The following FTCDNL1 variants were observed in gnomAD, a reference collection of about 807,000 sequenced individuals.
The protein encoded by FTCDNL1 is formiminotransferase N-terminal subdomain-containing protein.
FTCDNL1 carries 11 observed loss-of-function variants against 5.9 expected under a neutral mutation model. The observed-to-expected ratio is 1.87, with a 90% CI of 1.18 to 3.10. The LOEUF (loss-of-function observed/expected upper bound fraction) is 3.10, where lower values mean the gene tolerates loss of function less well. FTCDNL1 is among the 30% of genes most tolerant of loss of function. FTCDNL1 has a pLI of 0.00. For synonymous variants in FTCDNL1, 58 were observed against 24.8 expected (o/e 2.34, Z -3.99); for missense variants, 115 against 65.5 (o/e 1.76, Z -2.61).
At chr2:199,741,841 C>G in the FTCDNL1 span, among the ~76,000 whole-genome samples, 1 of 152,142 alleles carries the variant, frequency 6.6e-6, no homozygotes, top group Admixed American at 6.5e-5. Context: ...TTGTACTAAA[C>G]ATTTCTCAAA....
the FTCDNL1 span, among the ~76,000 whole-genome samples, chr2:199,733,034 G>A: frequency 6.6e-6 from 1 of 152,212 alleles, no homozygotes; most frequent in Non-Finnish European, 1.5e-5. Flanking sequence ...GAGCTGGACA[G>A]AAGAGCATCT....
chr2:199,848,691 T>C (rs1476497655), intron 2 of FTCDNL1, among the ~76,000 whole-genome samples, 157 bp downstream of exon 2: 5 of 152,214 alleles, frequency 3.3e-5, no homozygotes, highest in African/African-American at 9.6e-5. Context: ...TATCTCAGTA[T>C]CCTGGAGTTG....
chr2:199,738,608 A>G, the FTCDNL1 span, among the ~76,000 whole-genome samples: 76 of 152,186 alleles, frequency 5.0e-4, no homozygotes, highest in African/African-American at 1.8e-3. Context: ...GAAACAGAGG[A>G]TTGTGATACA....
At chr2:199,684,969 TTTC>T in the FTCDNL1 span, among the ~76,000 whole-genome samples, 1 of 152,142 alleles carries the variant, frequency 6.6e-6, no homozygotes, top group African/African-American at 2.4e-5. Flanking sequence ...TGTCTGTGGT[TTTC>T]TTTTTTCCCT....
rs940185881 is a variant in FTCDNL1, at chr2:199,850,963, G to C, written c.-231C>G. 1 of 152,150 alleles carries C rather than the reference G, an allele frequency of 6.6e-6. No homozygotes were observed. Among genetic ancestry groups the C allele is most frequent in the Non-Finnish European group, 1.5e-5 (1 of 68,054 alleles). The allele number at this position is 152,150 out of a possible 1,614,324, so 9.4% of individuals were successfully genotyped here. A position where few individuals can be genotyped will look rare whatever the true frequency, so the allele number is the denominator to read the frequency against. On this transcript the variant is annotated 5_prime_UTR_variant, in exon 1 of 5. Transcript: ENST00000420128. ...CGGGACGCAGCAGCGGCGAGGGCGC[G>C]GGGTTGTGGCGCCTGGGAGCGAGGG...
intron 3 of FTCDNL1, among the ~76,000 whole-genome samples, chr2:199,830,210 A>C (rs1702280365): frequency 6.6e-6 from 1 of 152,136 alleles, no homozygotes; most frequent in Non-Finnish European, 1.5e-5. Context: ...TCTCTACCGG[A>C]AGTAATAAAA....
At position 199,812,610 on chromosome 2, in the gene FTCDNL1, T is replaced by C; in HGVS notation, c.*95A>G. On this transcript the variant is annotated 3_prime_UTR_variant, in exon 5 of 5. Coordinates refer to ENST00000420128, the MANE Select transcript of FTCDNL1 (RefSeq NM_001363886.2). ...TTCTCAGTTTGCAGTTTCGCTCCAC[T>C]CCCGCCTCCCGCAGATTGGCACTCA... is the stretch of plus-strand genomic sequence containing the variant. The C allele has an allele frequency of 1.8e-6, 1 of 550,250 alleles. No individual in the cohort carries two copies. Among genetic ancestry groups the C allele is most frequent in the Non-Finnish European group, 3.2e-6 (1 of 308,302 alleles). The allele number at this position is 550,250 out of a possible 1,614,324, so 34.1% of individuals were successfully genotyped here.
intron 4 of FTCDNL1, among the ~76,000 whole-genome samples, chr2:199,815,739 T>A (rs941169629): frequency 5.3e-5 from 8 of 152,126 alleles, no homozygotes; most frequent in Admixed American, 1.3e-4. Context: ...CAGTGGCTCA[T>A]GCCTGTAATC....
chr2:199,845,969 G>A, intron 3 of FTCDNL1, 106 bp downstream of exon 3: 1 of 525,042 alleles, frequency 1.9e-6, no homozygotes, highest in Non-Finnish European at 3.4e-6. Flanking sequence ...TTACTTAATA[G>A]AGGGGAGTAT....
chr2:199,722,955 AT>A, the FTCDNL1 span, among the ~76,000 whole-genome samples: 5 of 147,866 alleles, frequency 3.4e-5, no homozygotes, highest in South Asian at 2.2e-4. Context: ...AATACTTGTG[AT>A]TTTTTTTTCA....
chr2:199,722,644 T>C, the FTCDNL1 span, among the ~76,000 whole-genome samples: 3 of 152,204 alleles, frequency 2.0e-5, no homozygotes, highest in African/African-American at 4.8e-5. Context: ...AAATAGTTTT[T>C]TCTAATTCTG....
At chr2:199,797,013 T>C (rs1238369014) in intron 3 of FTCDNL1, among the ~76,000 whole-genome samples, 1 of 151,922 alleles carries the variant, frequency 6.6e-6, no homozygotes, top group African/African-American at 2.4e-5. Context: ...AGAAAAAAAG[T>C]AAAACATAAA....
At chr2:199,689,824 A>AAAG in the FTCDNL1 span, among the ~76,000 whole-genome samples, 117 of 151,746 alleles carry the variant, frequency 7.7e-4, 1 homozygote, top group African/African-American at 2.6e-3. Context: ...AAAAAAAAAA[A>AAAG]AAAAAGAATA....
At chr2:199,737,185 T>C in the FTCDNL1 span, among the ~76,000 whole-genome samples, 1 of 152,276 alleles carries the variant, frequency 6.6e-6, no homozygotes, top group African/African-American at 2.4e-5. Flanking sequence ...TTTGTGACTT[T>C]GAGTGACTTA....
chr2:199,809,899 AT>A lies in FTCDNL1; in HGVS notation c.*2805del, dbSNP rs3081593. ...TCATTTTTTAGTCACTTAGTACCTG[AT>A]TTTTTTTTTTTTTGGTAACCCTCCC... On this transcript the variant is annotated 3_prime_UTR_variant, in exon 5 of 5. Transcript: ENST00000420128. 0.89 allele frequency among the ~76,000 whole-genome samples: 130,131 copies of A among 146,134 alleles called. 57,925 individuals are homozygous for A. The highest frequency in any genetic ancestry group is 0.99 in the East Asian group (4,971 of 5,024).
the FTCDNL1 span, among the ~76,000 whole-genome samples, chr2:199,679,801 G>T: frequency 2.6e-5 from 4 of 151,828 alleles, no homozygotes; most frequent in East Asian, 3.8e-4. Context: ...TTGATATGTG[G>T]TCTTCATTGA....
rs575939679 is a variant in FTCDNL1, at chr2:199,851,163, G to C, written c.-431C>G. On this transcript the variant is annotated 5_prime_UTR_variant, in exon 1 of 5. Coordinates refer to ENST00000420128, the MANE Select transcript of FTCDNL1 (RefSeq NM_001363886.2). ...GCGCGCAGCCTCCGCCGCCGCGCGTGGCCCGCGCGCAGCGTCTGCCGCCGG... is the reference window on the plus strand; with the variant it reads ...GCGCGCAGCCTCCGCCGCCGCGCGTCGCCCGCGCGCAGCGTCTGCCGCCGG... 2.0e-5 allele frequency: 3 copies of C among 148,198 alleles called. No individual in the cohort carries two copies. Among genetic ancestry groups the C allele is most frequent in the Non-Finnish European group, 3.0e-5 (2 of 66,630 alleles). 9.2% of individuals were successfully genotyped at this position (148,198 alleles called of 1,614,324 possible). A position where few individuals can be genotyped will look rare whatever the true frequency, so the allele number is the denominator to read the frequency against.
chr2:199,828,597 CG>C (rs1252001543), intron 3 of FTCDNL1, among the ~76,000 whole-genome samples: 1 of 152,170 alleles, frequency 6.6e-6, no homozygotes. Flanking sequence ...CCTCCCTCTC[CG>C]GGAATTCATT....
chr2:199,777,930 T>C (rs558309539), intron 3 of FTCDNL1, among the ~76,000 whole-genome samples: 1 of 152,202 alleles, frequency 6.6e-6, no homozygotes, highest in African/African-American at 2.4e-5. Flanking sequence ...TATCAAAAAA[T>C]AGAATCAGGC....
Sources: allele counts gnomAD v4.1 joint callset (sites outside exome capture counted in the v4.1 genomes callset), GRCh38; gene constraint gnomAD v4.1.1; transcripts MANE v1.5; gene names NCBI Gene and HGNC (gene_info 2026-07-23, HGNC 2026-07-21).